Variants in SENP8 observed in about 807,000 individuals in gnomAD.
The protein encoded by SENP8 is sentrin-specific protease 8.
A neutral mutation model predicts 14.4 loss-of-function variants in SENP8; 10 were observed. The observed-to-expected ratio is 0.69, with a 90% CI of 0.43 to 1.18. The LOEUF is 1.18. SENP8 is among the 50% of genes most tolerant of loss of function. The probability of loss-of-function intolerance (pLI) is 0.00; values close to 1 mark genes in which losing one functional copy is unlikely to be tolerated. For missense variants in SENP8, 202 were observed against 249.4 expected (o/e 0.81, Z 1.28); for synonymous variants, 94 against 95.5 (o/e 0.98, Z 0.09).
At position 72,143,159 on chromosome 15, in the gene SENP8, CT is replaced by C. The variant is rs1205446942; in HGVS notation, c.*2898del. ...GTTGCAGTGAGCTGAGATTGTGCCACTGCACTCCAGCCTAGGCAACAGAGCG... is the reference window on the plus strand; with the variant it reads ...GTTGCAGTGAGCTGAGATTGTGCCACGCACTCCAGCCTAGGCAACAGAGCG... On this transcript the variant is annotated 3_prime_UTR_variant, in exon 2 of 2. Transcript: ENST00000340912. The C allele has an allele frequency of 6.6e-6, 1 of 151,336 alleles. No individual in the cohort carries two copies. The highest frequency in any genetic ancestry group is 1.9e-4 in the East Asian group (1 of 5,156). 9.4% of individuals were successfully genotyped at this position (151,336 alleles called of 1,614,324 possible). A position where few individuals can be genotyped will look rare whatever the true frequency, so the allele number is the denominator to read the frequency against.
intron 1 of SENP8, among the ~76,000 whole-genome samples, chr15:72,138,960 A>G (rs113430359): frequency 0.086 from 12,136 of 141,514 alleles, 713 homozygotes; most frequent in East Asian, 0.2. Flanking sequence ...GTGTGACTCC[A>G]TCTCAAAAAA....
chr15:72,126,075 A>C (rs764021981), intron 1 of SENP8, among the ~76,000 whole-genome samples: 26 of 152,076 alleles, frequency 1.7e-4, no homozygotes, highest in Non-Finnish European at 2.8e-4. Flanking sequence ...TGCCTGCCTT[A>C]GCCTCCCAAA....
At chr15:72,120,368 G>A (rs188267441) in intron 1 of SENP8, among the ~76,000 whole-genome samples, 3 of 152,326 alleles carry the variant, frequency 2.0e-5, no homozygotes, top group Admixed American at 2.0e-4. Flanking sequence ...ATCAGACCCA[G>A]ATAAGAACGA....
At chr15:72,131,298 G>C (rs1232218156) in intron 1 of SENP8, among the ~76,000 whole-genome samples, 2 of 152,142 alleles carry the variant, frequency 1.3e-5, no homozygotes, top group Non-Finnish European at 2.9e-5. Context: ...GTTTACAGAT[G>C]ATGAAGCTGA....
chr15:72,118,084 C>CCCCGACCCCGCGCACGCGG (rs2081072191), upstream of SENP8: 2 of 393,448 alleles, frequency 5.1e-6, no homozygotes, highest in Admixed American at 4.4e-5. Context: ...GGTCGCGCGC[C>CCCCGACCCCGCGCACGCGG]CCCGACCCCG....
chr15:72,129,486 C>T (rs1278280835), intron 1 of SENP8, among the ~76,000 whole-genome samples: 1 of 151,760 alleles, frequency 6.6e-6, no homozygotes, highest in Non-Finnish European at 1.5e-5. Context: ...CCTCAGCCTC[C>T]CGAGTAGCTG....
At chr15:72,123,034 A>G (rs2081182442) in intron 1 of SENP8, among the ~76,000 whole-genome samples, 1 of 152,234 alleles carries the variant, frequency 6.6e-6, no homozygotes, top group Admixed American at 6.5e-5. Flanking sequence ...AATTCATTAG[A>G]TATTTATTGA....
chr15:72,119,688 C>G (rs1011074061), intron 1 of SENP8, among the ~76,000 whole-genome samples: 1 of 152,144 alleles, frequency 6.6e-6, no homozygotes, highest in Non-Finnish European at 1.5e-5. Flanking sequence ...GCGGAGCTTG[C>G]AGTGAGCCAA....
At chr15:72,115,877 G>A (rs1347122414), upstream of SENP8, among the ~76,000 whole-genome samples, 1 of 151,982 alleles carries the variant, frequency 6.6e-6, no homozygotes, top group Admixed American at 6.5e-5. Flanking sequence ...TAAAAGAAAA[G>A]CATGTAACAT....
chr15:72,136,069 C>G (rs1337437390), intron 1 of SENP8, among the ~76,000 whole-genome samples: 1 of 152,204 alleles, frequency 6.6e-6, no homozygotes, highest in African/African-American at 2.4e-5. Context: ...TACCTAAACT[C>G]TGTCAAATTG....
intron 1 of SENP8, among the ~76,000 whole-genome samples, chr15:72,138,506 C>A (rs1373004788): frequency 6.6e-6 from 1 of 151,562 alleles, no homozygotes; most frequent in African/African-American, 2.4e-5. Context: ...TGCCCCACCA[C>A]GCCCGGCTAA....
At chr15:72,120,705 T>C (rs1280109738) in intron 1 of SENP8, among the ~76,000 whole-genome samples, 5 of 152,248 alleles carry the variant, frequency 3.3e-5, no homozygotes, top group Non-Finnish European at 5.9e-5. Context: ...ATATGCACTT[T>C]ATGCATTAAA....
In SENP8 at chr15:72,143,399, T is replaced by TA. The variant is rs1327704616; in HGVS notation, c.*3143dup. The TA allele has an allele frequency of 6.6e-6, 1 of 152,132 alleles. No homozygotes were observed. The highest frequency in any genetic ancestry group is 1.5e-5 in the Non-Finnish European group (1 of 68,026). The allele number at this position is 152,132 out of a possible 1,614,324, so 9.4% of individuals were successfully genotyped here. A position where few individuals can be genotyped will look rare whatever the true frequency, so the allele number is the denominator to read the frequency against. On this transcript the variant is annotated 3_prime_UTR_variant, in exon 2 of 2. Coordinates refer to ENST00000340912, the MANE Select transcript of SENP8 (RefSeq NM_145204.4). ...ATTGCTATGCAGCTAAACAGCTGTG[T>TA]AAAAAATGGCTGATAATTACTGTTA...
chr15:72,119,840 G>A (rs940656762), intron 1 of SENP8, among the ~76,000 whole-genome samples: 1 of 152,206 alleles, frequency 6.6e-6, no homozygotes, highest in Admixed American at 6.5e-5. Context: ...TGGAATAACT[G>A]GTCTGGGAAA....
chr15:72,120,320 T>C (rs2081153967), intron 1 of SENP8, among the ~76,000 whole-genome samples: 1 of 152,208 alleles, frequency 6.6e-6, no homozygotes. Flanking sequence ...AGTGTATGGC[T>C]GCTATCTATT....
chr15:72,133,227 T>A (rs2140515080), intron 1 of SENP8, among the ~76,000 whole-genome samples: 1 of 152,276 alleles, frequency 6.6e-6, no homozygotes, highest in African/African-American at 2.4e-5. Context: ...CCTTACCAAT[T>A]AGTTCTATAT....
At chr15:72,138,403 G>A (rs772542844) in intron 1 of SENP8, among the ~76,000 whole-genome samples, 127 of 148,832 alleles carry the variant, frequency 8.5e-4, no homozygotes, top group Non-Finnish European at 1.4e-3. Context: ...AGGCTGGAGC[G>A]CAATGGCATG....
At position 72,143,615 on chromosome 15, in the gene SENP8, TC is replaced by T. The variant is rs2081393578; in HGVS notation, c.*3354del. ...TTTGAGGTTCTATAGAAATATATAATCTCATTAATTCTTATGTTCTCATGTT... is the reference window on the plus strand; with the variant it reads ...TTTGAGGTTCTATAGAAATATATAATTCATTAATTCTTATGTTCTCATGTT... On this transcript the variant is annotated 3_prime_UTR_variant, in exon 2 of 2. Coordinates refer to ENST00000340912, the MANE Select transcript of SENP8 (RefSeq NM_145204.4). 1 of 152,188 alleles carries T rather than the reference TC, an allele frequency of 6.6e-6. No individual in the cohort carries two copies. The highest frequency in any genetic ancestry group is 2.4e-5 in the African/African-American group (1 of 41,438). The allele number at this position is 152,188 out of a possible 1,614,324, so 9.4% of individuals were successfully genotyped here. A position where few individuals can be genotyped will look rare whatever the true frequency, so the allele number is the denominator to read the frequency against.
At chr15:72,122,461 T>A (rs765752034) in intron 1 of SENP8, among the ~76,000 whole-genome samples, 1 of 152,246 alleles carries the variant, frequency 6.6e-6, no homozygotes, top group African/African-American at 2.4e-5. Flanking sequence ...AGAAACTTAC[T>A]GCTCAAATCC....
Sources: gnomAD v4.1 joint callset for allele counts (sites outside exome capture counted in the v4.1 genomes callset) on GRCh38, gnomAD v4.1.1 for gene constraint, MANE v1.5 for transcripts, NCBI Gene and HGNC (gene_info 2026-07-23, HGNC 2026-07-21) for gene names.